The following CCDC141 variants were observed in gnomAD, a reference collection of about 807,000 sequenced individuals.
CCDC141 encodes the protein coiled-coil domain containing 141, also known as coiled-coil domain-containing protein 141.
In CCDC141, 168 loss-of-function variants were observed where a neutral mutation model predicts 181.0. The observed-to-expected ratio is 0.93, with a 90% CI of 0.82 to 1.05. CCDC141 has a LOEUF of 1.05. Ranked by LOEUF, CCDC141 falls within the 50% of genes least tolerant of loss-of-function variation. CCDC141 has a pLI of 0.00. For synonymous variants in CCDC141, 666 were observed against 642.3 expected, an observed-to-expected ratio of 1.04 and a Z score of -0.56; for missense variants, 1,902 against 1,788.5, an observed-to-expected ratio of 1.06 and a Z score of -1.14.
At chr2:178,965,595 C>A (rs947197397) in intron 4 of CCDC141, among the ~76,000 whole-genome samples, 2 of 152,210 alleles carry the variant, frequency 1.3e-5, no homozygotes, top group African/African-American at 2.4e-5. Flanking sequence ...AGATACTGTG[C>A]TTGTCCCATG....
chr2:178,855,202 A>T, intron 19 of CCDC141, 145 bp downstream of exon 19: 5 of 647,384 alleles, frequency 7.7e-6, no homozygotes. Flanking sequence ...ATTTCAGAGA[A>T]TTATCCTAAG....
At chr2:179,037,937 A>G (rs2043190226) in intron 2 of CCDC141, among the ~76,000 whole-genome samples, 1 of 152,226 alleles carries the variant, frequency 6.6e-6, no homozygotes, top group Non-Finnish European at 1.5e-5. Context: ...TTGCTGCGGA[A>G]AATATTTTGG....
intron 5 of CCDC141, among the ~76,000 whole-genome samples, chr2:178,952,554 C>A (rs951229330): frequency 6.6e-6 from 1 of 152,188 alleles, no homozygotes; most frequent in Non-Finnish European, 1.5e-5. Context: ...AACCTTTGAA[C>A]TGCAGTGCCA....
At chr2:179,021,075 G>A (rs557784032) in intron 2 of CCDC141, among the ~76,000 whole-genome samples, 1 of 152,270 alleles carries the variant, frequency 6.6e-6, no homozygotes, top group East Asian at 1.9e-4. Context: ...ATCATTAATA[G>A]TAACCAAAAT....
chr2:179,046,272 G>A (rs1278194521), intron 2 of CCDC141, among the ~76,000 whole-genome samples: 1 of 152,224 alleles, frequency 6.6e-6, no homozygotes, highest in East Asian at 1.9e-4. Flanking sequence ...TCCTCAGAAT[G>A]GAACACCATT....
intron 6 of CCDC141, among the ~76,000 whole-genome samples, chr2:178,923,340 G>A (rs1688786056): frequency 6.6e-6 from 1 of 151,984 alleles, no homozygotes; most frequent in South Asian, 2.1e-4. Context: ...TCCTGACCTC[G>A]TGATCCGCCC....
chr2:178,853,459 G>A lies in CCDC141; in HGVS notation c.3226C>T (p.Leu1076Phe). 2 of 1,614,088 alleles carry A rather than the reference G, an allele frequency of 1.2e-6. No homozygotes were observed. The highest frequency in any genetic ancestry group is 1.7e-6 in the Non-Finnish European group (2 of 1,179,960). ...ATCTCACCATATAAGTGCTGAGCAA[G>A]GTCAGTGGCCTCCTGAATCCTTTCT... ...QEERIQEATD[L>F]AQHLYGLEEG... is the part of the protein sequence containing the mutation. Residue 1076 changes from leucine to phenylalanine, a missense_variant, in exon 20 of 24, where the codon CTT (leucine) becomes TTT (phenylalanine). Coordinates refer to ENST00000443758, the MANE Select transcript of CCDC141 (RefSeq NM_173648.4).
intron 2 of CCDC141, among the ~76,000 whole-genome samples, chr2:178,988,754 A>G (rs1297422144): frequency 6.6e-6 from 1 of 152,144 alleles, no homozygotes; most frequent in Non-Finnish European, 1.5e-5. Context: ...AAACTTCAAA[A>G]CTTACTACAA....
At chr2:179,036,716 T>C (rs2592579) in intron 2 of CCDC141, among the ~76,000 whole-genome samples, 127,525 of 152,186 alleles carry the variant, frequency 0.84, 53,808 homozygotes, top group East Asian at 0.94. Flanking sequence ...ACCACAATTC[T>C]GGCATTGTTC....
At position 178,853,599 on chromosome 2, in the gene CCDC141, C is replaced by G; in HGVS notation, c.3086G>C (p.Ser1029Thr). ...TTTTCCAACTCTTACAACTGTGGCA[C>G]TTGCATCTTCGTACCAAAAATGACA... ...EECHFWYEDA[S>T]ATVVRVGKYS... The change falls in exon 20 of 24, where the codon AGT becomes ACT. Residue 1029 changes from serine (S) to threonine (T), a missense_variant. Ser to Thr is a moderately conservative substitution (Grantham distance 58). Transcript: ENST00000443758. The G allele has an allele frequency of 6.2e-7, 1 of 1,612,792 alleles. No individual in the cohort carries two copies. Among genetic ancestry groups the G allele is most frequent in the Non-Finnish European group, 8.5e-7 (1 of 1,179,290 alleles).
intron 2 of CCDC141, among the ~76,000 whole-genome samples, chr2:179,037,215 G>A (rs2043169226): frequency 6.6e-6 from 1 of 152,208 alleles, no homozygotes; most frequent in Non-Finnish European, 1.5e-5. Context: ...CCAGTCAGGT[G>A]ACACAGGCCT....
intron 22 of CCDC141, among the ~76,000 whole-genome samples, chr2:178,840,293 G>A (rs1373961197): frequency 6.6e-6 from 1 of 152,180 alleles, no homozygotes; most frequent in Non-Finnish European, 1.5e-5. Flanking sequence ...GAAGAGCAGG[G>A]ACATTTGTTG....
intron 5 of CCDC141, among the ~76,000 whole-genome samples, chr2:178,960,898 T>C (rs1015762714): frequency 1.7e-4 from 26 of 152,180 alleles, no homozygotes; most frequent in African/African-American, 6.3e-4. Flanking sequence ...TTTAAGAAAA[T>C]TGCAATTAAC....
intron 11 of CCDC141, among the ~76,000 whole-genome samples, chr2:178,879,631 A>T (rs1488102705): frequency 6.6e-6 from 1 of 152,190 alleles, no homozygotes; most frequent in African/African-American, 2.4e-5. Flanking sequence ...GGAGAAAGAG[A>T]GCCATAATCA....
At chr2:178,919,558 C>G (rs928564049) in intron 6 of CCDC141, among the ~76,000 whole-genome samples, 3 of 152,086 alleles carry the variant, frequency 2.0e-5, no homozygotes, top group African/African-American at 7.2e-5. Context: ...AAAAATATAC[C>G]CCCTATACAA....
intron 8 of CCDC141, among the ~76,000 whole-genome samples, chr2:178,893,091 C>T (rs1159641291): frequency 6.6e-6 from 1 of 152,122 alleles, no homozygotes; most frequent in African/African-American, 2.4e-5. Flanking sequence ...CTGAGGTTGA[C>T]TTTGACTTTT....
chr2:178,920,269 A>C (rs959951883), intron 6 of CCDC141, among the ~76,000 whole-genome samples: 3 of 152,176 alleles, frequency 2.0e-5, no homozygotes, highest in Admixed American at 1.3e-4. Context: ...AAAGTATCCT[A>C]TTATTAAGTT....
chr2:178,896,283 G>A (rs887611331), intron 8 of CCDC141, among the ~76,000 whole-genome samples: 2 of 152,136 alleles, frequency 1.3e-5, no homozygotes, highest in Admixed American at 6.6e-5. Flanking sequence ...TCAGACTTTC[G>A]GATTGTGTCT....
chr2:178,907,443 T>C (rs959564782), intron 7 of CCDC141, among the ~76,000 whole-genome samples: 10 of 152,232 alleles, frequency 6.6e-5, no homozygotes, highest in African/African-American at 2.4e-4. Context: ...GGAAGGGCTA[T>C]GTCAGAGAAA....
Sources: gnomAD v4.1 joint callset for allele counts (sites outside exome capture counted in the v4.1 genomes callset) on GRCh38, gnomAD v4.1.1 for gene constraint, MANE v1.5 for transcripts, NCBI Gene and HGNC (gene_info 2026-07-23, HGNC 2026-07-21) for gene names.